The following SLX4 variants were observed in gnomAD, a reference collection of about 807,000 sequenced individuals.
SLX4 encodes the protein SLX4 structure-specific endonuclease subunit.
Under a neutral mutation model 146.2 loss-of-function variants are expected in SLX4, and 112 were observed. The observed-to-expected ratio is 0.77, with a 90% CI of 0.66 to 0.90. The LOEUF (loss-of-function observed/expected upper bound fraction) is 0.90, where lower values mean the gene tolerates loss of function less well. Ranked by LOEUF, SLX4 falls within the 40% of genes least tolerant of loss-of-function variation. The probability of loss-of-function intolerance (pLI) is 0.00; values close to 1 mark genes in which losing one functional copy is unlikely to be tolerated. For synonymous variants in SLX4, 1,061 were observed against 997.7 expected (o/e 1.06, Z -1.20); for missense variants, 2,563 against 2,392.7 (o/e 1.07, Z -1.49).
intron 1 of SLX4, among the ~76,000 whole-genome samples, chr16:3,610,306 C>A (rs2040841554): frequency 6.6e-6 from 1 of 152,198 alleles, no homozygotes; most frequent in Admixed American, 6.5e-5. Flanking sequence ...CTGTGTCTTC[C>A]CCTTAGAGAA....
At chr16:3,584,670 G>A in intron 13 of SLX4, 99 bp downstream of exon 13, 1 of 929,178 alleles carries the variant, frequency 1.1e-6, no homozygotes, top group Non-Finnish European at 1.8e-6. Context: ...CAGACCCAGA[G>A]ACCACACGGG....
At chr16:3,609,978 A>G (rs563516814) in intron 1 of SLX4, among the ~76,000 whole-genome samples, 1 of 152,376 alleles carries the variant, frequency 6.6e-6, no homozygotes, top group Admixed American at 6.5e-5. Context: ...AGAAAGAGAC[A>G]TTATATTCTC....
chr16:3,595,920 G>T (rs765958537), intron 8 of SLX4, among the ~76,000 whole-genome samples: 2 of 152,228 alleles, frequency 1.3e-5, no homozygotes, highest in Non-Finnish European at 2.9e-5. Flanking sequence ...GGATTCACTC[G>T]CTGTGGGCAG....
Position 3,582,613 on chromosome 16 carries a change from G to T in SLX4, c.5234C>A (p.Ala1745Glu). 1 of 1,613,578 alleles carries T rather than the reference G, an allele frequency of 6.2e-7. No homozygotes were observed. The change falls in exon 15 of 15, where the codon GCA becomes GAA. Residue 1745 changes from alanine to glutamate, a missense_variant. By Grantham distance (107) the Ala-to-Glu change is moderately radical. Coordinates refer to ENST00000294008, the MANE Select transcript of SLX4 (RefSeq NM_032444.4). ...EGEGEVSASQ[A>E]AVQAADTDEA... ...GTCTGTGTCCGCCGCCTGCACGGCT[G>T]CCTGCGAGGCACTGACCTCCCCCTC...
Position 3,589,504 on chromosome 16 carries a change from C to A in SLX4, c.4134G>T (p.Pro1378=), listed in dbSNP as rs760757846. Residue 1378 remains proline (P), a synonymous_variant, in exon 12 of 15, where the codon CCG becomes CCT. Coordinates refer to ENST00000294008, the MANE Select transcript of SLX4 (RefSeq NM_032444.4). This position sits in a 1 kb window ranked among gnomAD's most constrained non-coding sequence, Gnocchi z 6.2. Reference sequence around the variant, plus strand: ...TCTGGTTCAGGAAGCTTGGCCCAGGCGGCGAGTGTTTCAGGAACCGCCTGC... The same window carrying A: ...TCTGGTTCAGGAAGCTTGGCCCAGGAGGCGAGTGTTTCAGGAACCGCCTGC... ...HFSRRFLKHS[P]PGPSFLNQTP... 6 of 1,609,722 alleles carry A rather than the reference C, an allele frequency of 3.7e-6. No individual in the cohort carries two copies. In the South Asian group the frequency reaches 5.5e-5, roughly 15 times the overall value.
At position 3,601,946 on chromosome 16, in the gene SLX4, A is replaced by G. The variant is rs74369366; in HGVS notation, c.950+172T>C. ...TTTGTTCAGTTTAAATGGGTGAACT[A>G]TATGTTCTGTGAATTGTATCTCAAC... is the stretch of plus-strand genomic sequence containing the variant. On this transcript the variant is annotated intron_variant, in intron 4 of 14. Transcript: ENST00000294008. 43,220 of 713,456 alleles carry G rather than the reference A, an allele frequency of 0.061. 1,480 individuals carry two copies. Among genetic ancestry groups the G allele is most frequent in the Admixed American group, 0.069 (2,981 of 43,034 alleles). The allele number at this position is 713,456 out of a possible 1,614,324, so 44.2% of individuals were successfully genotyped here.
chr16:3,602,444 G>A, intron 3 of SLX4, 137 bp from the exon 4 acceptor site: 1 of 998,214 alleles, frequency 1.0e-6, no homozygotes, highest in Non-Finnish European at 1.5e-6. Flanking sequence ...CCACTCTGCA[G>A]GCTGGTGACT....
chr16:3,593,918 C>T (rs981112351), intron 10 of SLX4, among the ~76,000 whole-genome samples: 7 of 152,166 alleles, frequency 4.6e-5, no homozygotes, highest in Admixed American at 3.3e-4. Context: ...GTCGCCCAGG[C>T]TGGAGTGCAG....
rs762905972 is a variant in SLX4, at chr16:3,583,519, G to A, written c.4740-9C>T. On this transcript the variant is annotated splice_polypyrimidine_tract_variant and intron_variant, in intron 13 of 14. Coordinates refer to ENST00000294008, the MANE Select transcript of SLX4 (RefSeq NM_032444.4). ...GAGGGCGGACTCCAAACCTGACGGA[G>A]GAACAGGTGGATCTCAGGACCCACC... The A allele has an allele frequency of 6.2e-7, 1 of 1,613,892 alleles. No homozygotes were observed. The highest frequency in any genetic ancestry group is 8.5e-7 in the Non-Finnish European group (1 of 1,180,040).
At position 3,591,162 on chromosome 16, in the gene SLX4, C is replaced by T. The variant is rs1444034957; in HGVS notation, c.2476G>A (p.Glu826Lys). 1 of 1,614,104 alleles carries T rather than the reference C, an allele frequency of 6.2e-7. No homozygotes were observed. Among genetic ancestry groups the T allele is most frequent in the Non-Finnish European group, 8.5e-7 (1 of 1,180,048 alleles). Residue 826 changes from glutamate (E) to lysine (K), a missense_variant, in exon 12 of 15, where the codon GAA becomes AAA. Glu to Lys is a moderately conservative substitution (Grantham distance 56). Transcript: ENST00000294008. Reference protein sequence around the residue: ...QELLRSMWADEEEEAETLLKS... With the variant: ...QELLRSMWADKEEEAETLLKS... ...AACAAAGTCTCCGCTTCCTCCTCTT[C>T]ATCTGCCCACATTGACCTCAAGAGT... is the stretch of plus-strand genomic sequence containing the variant.
At chr16:3,605,944 C>CT (rs1304757669) in intron 3 of SLX4, among the ~76,000 whole-genome samples, 12 of 66,036 alleles carry the variant, frequency 1.8e-4, no homozygotes, top group African/African-American at 7.7e-4. Context: ...GAGACTCCAT[C>CT]TCAAAAAAAA....
At chr16:3,596,522 G>C (rs1005159505) in intron 7 of SLX4, 129 bp from the exon 8 acceptor site, 2 of 1,180,854 alleles carry the variant, frequency 1.7e-6, no homozygotes, top group Non-Finnish European at 2.3e-6. Context: ...TGTGGGGACA[G>C]ACTGTCCCCG....
At position 3,589,457 on chromosome 16, in the gene SLX4, TCCA is replaced by T. The variant is rs756477852; in HGVS notation, c.4178_4180del (p.Val1393del). 1.2e-6 allele frequency: 2 copies of T among 1,607,388 alleles called. No individual in the cohort carries two copies. The highest frequency in any genetic ancestry group is 2.2e-5 in the South Asian group (2 of 91,028). ...CTGCTCATCGTCACTGTCTCCGACT[TCCA>T]CCACTTCACCCGCTGGGGTCTGGTT... is the stretch of plus-strand genomic sequence containing the variant. On this transcript the variant is annotated inframe_deletion, in exon 12 of 15. Transcript: ENST00000294008. This position sits in a 1 kb window ranked among gnomAD's most constrained non-coding sequence, Gnocchi z 6.2.
chr16:3,603,241 C>T (rs986448526), intron 3 of SLX4, among the ~76,000 whole-genome samples: 3 of 152,194 alleles, frequency 2.0e-5, no homozygotes, highest in Non-Finnish European at 4.4e-5. Context: ...CAGGGCTTCA[C>T]CATGTTGGCC....
Position 3,582,167 on chromosome 16 carries a change from A to T in SLX4, c.*175T>A, listed in dbSNP as rs1331006426. On this transcript the variant is annotated 3_prime_UTR_variant, in exon 15 of 15. Coordinates refer to ENST00000294008, the MANE Select transcript of SLX4 (RefSeq NM_032444.4). Reference sequence around the variant, plus strand: ...TGCCACCCTAGAAAGCAGAGCCCAGAGGAGGAAGCCCTGGATTGGGCTGTG... The same window carrying T: ...TGCCACCCTAGAAAGCAGAGCCCAGTGGAGGAAGCCCTGGATTGGGCTGTG... 1.6e-6 allele frequency: 1 copy of T among 617,216 alleles called. No homozygotes were observed. Among genetic ancestry groups the T allele is most frequent in the Non-Finnish European group, 2.9e-6 (1 of 349,514 alleles). The allele number at this position is 617,216 out of a possible 1,614,324, so 38.2% of individuals were successfully genotyped here.
intron 9 of SLX4, among the ~76,000 whole-genome samples, chr16:3,594,801 C>T (rs1317418722): frequency 1.3e-5 from 2 of 152,216 alleles, no homozygotes; most frequent in African/African-American, 4.8e-5. Flanking sequence ...AAGAGCAAAG[C>T]ACTAGCTTGT....
intron 13 of SLX4, among the ~76,000 whole-genome samples, chr16:3,584,368 C>A (rs2040482565): frequency 1.3e-5 from 2 of 152,024 alleles, no homozygotes; most frequent in Non-Finnish European, 2.9e-5. Context: ...TTGCAGTGAG[C>A]CGGGACTGCG....
chr16:3,586,426 T>C (rs145393032), intron 12 of SLX4, among the ~76,000 whole-genome samples: 10 of 150,652 alleles, frequency 6.6e-5, no homozygotes, highest in Non-Finnish European at 1.0e-4. Flanking sequence ...GAGGTTGAGG[T>C]GGGAGGATCA....
chr16:3,583,863 C>T (rs1303073094), intron 13 of SLX4, among the ~76,000 whole-genome samples: 2 of 151,836 alleles, frequency 1.3e-5, no homozygotes, highest in African/African-American at 2.4e-5. Flanking sequence ...ATTAGCCAGG[C>T]GTGGTGGTGT....
Sources: allele counts gnomAD v4.1 joint callset (sites outside exome capture counted in the v4.1 genomes callset), GRCh38; gene constraint gnomAD v4.1.1; non-coding constraint Gnocchi (gnomAD v3.1); transcripts MANE v1.5; gene names NCBI Gene and HGNC (gene_info 2026-07-23, HGNC 2026-07-21).